IDUA: variants seen among roughly 807,000 people sequenced by gnomAD.
IDUA encodes iduronidase alpha-L-.
Under a neutral mutation model 68.9 loss-of-function variants are expected in IDUA, and 65 were observed. The ratio of observed to expected loss-of-function variants is 0.94; its 90% CI spans 0.77 to 1.16. The LOEUF is 1.16. Among genes scored for constraint, IDUA ranks in the 50% most tolerant of loss-of-function variants. The pLI is 0.00. For missense variants in IDUA, 1,046 were observed against 938.0 expected (o/e 1.12, Z -1.50); for synonymous variants, 529 against 433.6 (o/e 1.22, Z -2.73).
chr4:993,870 T>A (rs1232492043), intron 2 of IDUA, among the ~76,000 whole-genome samples: 1 of 152,152 alleles, frequency 6.6e-6, no homozygotes, highest in South Asian at 2.1e-4. Context: ...GGTGCGTGCA[T>A]ATGCGTGTGT....
At chr4:992,415 T>G (rs1263331979) in intron 2 of IDUA, among the ~76,000 whole-genome samples, 1 of 152,236 alleles carries the variant, frequency 6.6e-6, no homozygotes, top group Non-Finnish European at 1.5e-5. Context: ...TTGTGGGTAC[T>G]GGGACCCCAA....
At position 1,000,918 on chromosome 4, in the gene IDUA, C is replaced by T; in HGVS notation, c.422C>T (p.Thr141Ile). 6.2e-7 allele frequency: 1 copy of T among 1,613,542 alleles called. No individual in the cohort carries two copies. Among genetic ancestry groups the T allele is most frequent in the Non-Finnish European group, 8.5e-7 (1 of 1,179,958 alleles). ...ATGGGCAGCGCCTCGGGCCACTTCACTGACTTTGAGGACAAGCAGCAGGTG... is the reference window on the plus strand; with the variant it reads ...ATGGGCAGCGCCTCGGGCCACTTCATTGACTTTGAGGACAAGCAGCAGGTG... ...ELMGSASGHF[T>I]DFEDKQQVFE... The change falls in exon 4 of 14, where the codon ACT becomes ATT. Residue 141 changes from threonine (T) to isoleucine (I), a missense_variant. Physicochemically the swap from Thr to Ile is moderately conservative, Grantham distance 89. Transcript: ENST00000514224.
Position 1,002,887 on chromosome 4 carries a change from C to A in IDUA, c.1345C>A (p.His449Asn), listed in dbSNP as rs532731688. Residue 449 changes from histidine to asparagine, a missense_variant, in exon 9 of 14, where the codon CAC becomes AAC. Physicochemically the swap from His to Asn is moderately conservative, Grantham distance 68 (BLOSUM62 1). Transcript: ENST00000514224. ...LIYASDDTRA[H>N]PNRSVAVTLR... is the part of the protein sequence containing the mutation. ...CTACGCGAGCGACGACACCCGCGCC[C>A]ACCCCAACCGCAGCGTCGCGGTGAC... is the stretch of plus-strand genomic sequence containing the variant. 3,447 of 1,430,628 alleles carry A rather than the reference C, an allele frequency of 2.4e-3. 30 individuals are homozygous for A. Among genetic ancestry groups the A allele is most frequent in the Non-Finnish European group, 2.7e-3 (2,936 of 1,097,986 alleles). 88.6% of individuals were successfully genotyped at this position (1,430,628 alleles called of 1,614,324 possible).
rs387907479 is a variant in IDUA at position 989,430 on chromosome 4, G to A, written c.299+1481G>A. 6.4e-7 allele frequency: 1 copy of A among 1,554,730 alleles called. No individual in the cohort carries two copies. ...GGGCGGTGCGTGGGCGTTGGGTGCG[G>A]CCGGCCAGGCTGAGCAGCGAGAGGA... On this transcript the variant is annotated intron_variant, in intron 2 of 13. Coordinates refer to ENST00000514224, the MANE Select transcript of IDUA (RefSeq NM_000203.5).
At chr4:993,335 G>A (rs964786422) in intron 2 of IDUA, 6 of 152,298 alleles carry the variant, frequency 3.9e-5, no homozygotes, top group African/African-American at 1.4e-4. Context: ...AGGGCCCTGG[G>A]ATGACGAGGG....
rs775731864 is a variant in IDUA, at chr4:987,157, C to T, written c.73C>T (p.Pro25Ser). ...GCTCCTGGCCGCGCCCCCGGTGGCC[C>T]CGGCCGAGGCCCCGCACCTGGTGCA... ...ASLLAAPPVA[P>S]AEAPHLVHVD... Residue 25 changes from proline (P) to serine (S), a missense_variant, in exon 1 of 14, where the codon CCG (proline) becomes TCG (serine). Physicochemically the swap from Pro to Ser is moderately conservative, Grantham distance 74. Coordinates refer to ENST00000514224, the MANE Select transcript of IDUA (RefSeq NM_000203.5). 1.4e-6 allele frequency: 2 copies of T among 1,425,082 alleles called. No homozygotes were observed. Among genetic ancestry groups the T allele is most frequent in the Non-Finnish European group, 1.8e-6 (2 of 1,095,376 alleles). 88.3% of individuals were successfully genotyped at this position (1,425,082 alleles called of 1,614,324 possible). A position where few individuals can be genotyped will look rare whatever the true frequency, so the allele number is the denominator to read the frequency against.
intron 12 of IDUA, 118 bp downstream of exon 12, chr4:1,003,743 G>C (rs1577544751): frequency 8.7e-7 from 1 of 1,147,516 alleles, no homozygotes; most frequent in Non-Finnish European, 1.3e-6. Context: ...TCCCTCCCTC[G>C]CCGCCCTGCG....
At chr4:988,063 A>G in intron 2 of IDUA, 114 bp downstream of exon 2, 1 of 1,472,454 alleles carries the variant, frequency 6.8e-7, no homozygotes, top group South Asian at 1.4e-5. Flanking sequence ...CCGCCGAAGC[A>G]CCCTGTTGGG....
chr4:988,889 C>T lies in IDUA; in HGVS notation c.299+940C>T, dbSNP rs376555831. On this transcript the variant is annotated intron_variant, in intron 2 of 13. Transcript: ENST00000514224. Reference sequence around the variant, plus strand: ...CTGTGGCGGGCTCGTGCTGTCTGCACGGCATCGTGCACACTGAGGAACAGC... The same window carrying T: ...CTGTGGCGGGCTCGTGCTGTCTGCATGGCATCGTGCACACTGAGGAACAGC... 30 of 1,602,272 alleles carry T rather than the reference C, an allele frequency of 1.9e-5. No individual in the cohort carries two copies. The highest frequency in any genetic ancestry group is 3.3e-4 in the Middle Eastern group (2 of 6,054).
intron 2 of IDUA, chr4:990,504 G>GGAGTTCCAA: frequency 1.3e-6 from 1 of 796,970 alleles, no homozygotes; most frequent in African/African-American, 1.7e-5. Flanking sequence ...TTCCAAACCA[G>GGAGTTCCAA]ACTCCTCACA....
In IDUA at chr4:1,003,446, G is replaced by A. The variant is rs1715245393; in HGVS notation, c.1626G>A (p.Ala542=). 3.2e-6 allele frequency: 5 copies of A among 1,545,934 alleles called. No individual in the cohort carries two copies. The East Asian group carries it at 1.2e-4, about 37-fold the overall frequency. Residue 542 remains alanine (A), a synonymous_variant, in exon 11 of 14, where the codon GCG becomes GCA. Transcript: ENST00000514224. ...LPSLLLVHVC[A]RPEKPPGQVT... ...CGCTTTTGCTGGTGCACGTGTGTGC[G>A]CGCCCCGAGAAGCCGCCCGGGCAGG...
chr4:993,069 C>T (rs1448439900), intron 2 of IDUA: 2 of 152,202 alleles, frequency 1.3e-5, no homozygotes, highest in Admixed American at 6.5e-5. Flanking sequence ...CCTCAGGCAA[C>T]ATTGCAAGAG....
At chr4:999,183 C>T (rs755004238) in intron 2 of IDUA, among the ~76,000 whole-genome samples, 2 of 147,582 alleles carry the variant, frequency 1.4e-5, no homozygotes, top group African/African-American at 2.5e-5. Flanking sequence ...CCAGGCTGGG[C>T]AACAGAGTGA....
intron 2 of IDUA, chr4:989,426 T>C: frequency 2.6e-6 from 4 of 1,555,318 alleles, no homozygotes; most frequent in Non-Finnish European, 3.5e-6. Flanking sequence ...GGGCGTTGGG[T>C]GCGGCCGGCC....
rs750953620 is a variant in IDUA, at chr4:991,099, C to T, written c.299+3150C>T. ...AACCTAAGGGGGGGTGCCCTGGGCC[C>T]CTCCCTGTGCCCAAGCAGGGCTCCT... On this transcript the variant is annotated intron_variant, in intron 2 of 13. Coordinates refer to ENST00000514224, the MANE Select transcript of IDUA (RefSeq NM_000203.5). The T allele has an allele frequency of 1.7e-5, 26 of 1,516,336 alleles. No individual in the cohort carries two copies. The African/African-American group carries it at 3.3e-4, about 19-fold the overall frequency. The allele number at this position is 1,516,336 out of a possible 1,614,324, so 93.9% of individuals were successfully genotyped here.
chr4:1,003,342 C>T lies in IDUA; in HGVS notation c.1525-3C>T. The T allele has an allele frequency of 1.4e-6, 2 of 1,457,700 alleles. No homozygotes were observed. The highest frequency in any genetic ancestry group is 1.8e-6 in the Non-Finnish European group (2 of 1,114,354). 90.3% of individuals were successfully genotyped at this position (1,457,700 alleles called of 1,614,324 possible). On this transcript the variant is annotated splice_polypyrimidine_tract_variant and splice_region_variant and intron_variant, in intron 10 of 13. Coordinates refer to ENST00000514224, the MANE Select transcript of IDUA (RefSeq NM_000203.5). ...AACCCTGAGGACCGGCCACTGCGCC[C>T]AGGACCCGGTGGCCGCGGCGCCCCG... is the stretch of plus-strand genomic sequence containing the variant.
intron 2 of IDUA, chr4:992,107 G>A (rs1263970073): frequency 2.0e-6 from 1 of 501,302 alleles, no homozygotes; most frequent in Admixed American, 2.3e-5. Flanking sequence ...CTCCCCAACG[G>A]GGCAGGAACA....
At chr4:989,667 C>T (rs1193250313) in intron 2 of IDUA, 3 of 1,576,996 alleles carry the variant, frequency 1.9e-6, no homozygotes, top group Admixed American at 1.8e-5. Flanking sequence ...GCAGCACCAG[C>T]AGCACCACGG....
intron 2 of IDUA, chr4:992,609 G>A: frequency 8.8e-5 from 17 of 192,404 alleles, no homozygotes; most frequent in Non-Finnish European, 1.5e-4. Flanking sequence ...TTCCCAGGCT[G>A]CACCAGCTCA....
Sources: gnomAD v4.1 joint callset for allele counts (sites outside exome capture counted in the v4.1 genomes callset) on GRCh38, gnomAD v4.1.1 for gene constraint, MANE v1.5 for transcripts, NCBI Gene and HGNC (gene_info 2026-07-23, HGNC 2026-07-21) for gene names.